NELL1: variants seen among roughly 807,000 people sequenced by gnomAD.
NELL1 encodes the protein neural EGFL like 1.
Under a neutral mutation model 107.4 loss-of-function variants are expected in NELL1, and 76 were observed. That is an observed-to-expected ratio of 0.71 (90% CI 0.59 to 0.86). The LOEUF (loss-of-function observed/expected upper bound fraction) is 0.86. Among genes scored for constraint, NELL1 ranks in the 40% least tolerant of loss-of-function variants. NELL1 has a pLI of 0.00. For missense variants in NELL1, 1,024 were observed against 1,005.5 expected, an observed-to-expected ratio of 1.02 and a Z score of -0.25; for synonymous variants, 353 against 341.2, an observed-to-expected ratio of 1.03 and a Z score of -0.38.
rs1857197376 is a variant in NELL1 at position 21,575,412 on chromosome 11, G to A, written c.*390G>A. The A allele has an allele frequency of 6.0e-6, 1 of 167,460 alleles. No individual in the cohort carries two copies. The highest frequency in any genetic ancestry group is 2.4e-5 in the African/African-American group (1 of 41,700). 10.4% of individuals were successfully genotyped at this position (167,460 alleles called of 1,614,324 possible). A position where few individuals can be genotyped will look rare whatever the true frequency, so the allele number is the denominator to read the frequency against. Reference sequence around the variant, plus strand: ...AGACTCAGCTCCTTTTATTTATTTTGTTGATTTATGGATCAAATTCTAAAA... The same window carrying A: ...AGACTCAGCTCCTTTTATTTATTTTATTGATTTATGGATCAAATTCTAAAA... On this transcript the variant is annotated 3_prime_UTR_variant, in exon 20 of 20. Coordinates refer to ENST00000357134, the MANE Select transcript of NELL1 (RefSeq NM_006157.5).
At chr11:21,390,956 A>G (rs112897756) in intron 15 of NELL1, among the ~76,000 whole-genome samples, 1 of 151,534 alleles carries the variant, frequency 6.6e-6, no homozygotes, top group African/African-American at 2.4e-5. Context: ...TTGTTGTTGA[A>G]TCTCCTGTTC....
At chr11:20,818,717 G>T (rs534449952) in intron 3 of NELL1, among the ~76,000 whole-genome samples, 1 of 152,246 alleles carries the variant, frequency 6.6e-6, no homozygotes, top group South Asian at 2.1e-4. Flanking sequence ...AGCTTGGGGA[G>T]CTTCCCAAAT....
chr11:21,197,184 T>C (rs1009086017), intron 13 of NELL1, among the ~76,000 whole-genome samples: 10 of 150,904 alleles, frequency 6.6e-5, no homozygotes, highest in African/African-American at 2.5e-4. Context: ...ACCGGTCTTA[T>C]TTAATTCTTA....
Position 21,060,949 on chromosome 11 carries a change from C to T in NELL1, c.1301-52640C>T, listed in dbSNP as rs372095554. 1.1e-4 allele frequency among the ~76,000 whole-genome samples: 16 copies of T among 152,306 alleles called. No individual in the cohort carries two copies. The East Asian group carries it at 2.5e-3, about 24-fold the overall frequency. On this transcript the variant is annotated intron_variant, in intron 12 of 19. Transcript: ENST00000357134. The stretch of plus-strand genomic sequence containing the variant: ...ATGGGGTTTCACCCTATTGGTCAGG[C>T]AGGACTTGAACTCCTGACCCCATGA...
intron 15 of NELL1, among the ~76,000 whole-genome samples, chr11:21,438,674 G>T (rs1281612210): frequency 6.6e-6 from 1 of 151,656 alleles, no homozygotes; most frequent in African/African-American, 2.4e-5. Context: ...TTTTTTGTCT[G>T]GGTTATTTTA....
chr11:20,961,671 A>AT (rs1228458422), intron 12 of NELL1, among the ~76,000 whole-genome samples: 1 of 151,918 alleles, frequency 6.6e-6, no homozygotes, highest in African/African-American at 2.4e-5. Context: ...TTATACATGG[A>AT]TTTTTTTTCA....
intron 13 of NELL1, among the ~76,000 whole-genome samples, chr11:21,225,488 C>T (rs966067838): frequency 2.0e-5 from 3 of 152,122 alleles, no homozygotes; most frequent in Admixed American, 6.5e-5. Context: ...TTGCTTTTCT[C>T]TCTGTAATGC....
chr11:21,505,245 G>A (rs1235165843), intron 15 of NELL1, among the ~76,000 whole-genome samples: 2 of 152,088 alleles, frequency 1.3e-5, no homozygotes, highest in Non-Finnish European at 2.9e-5. Context: ...TATCTATGCA[G>A]TAATCCTACC....
intron 14 of NELL1, among the ~76,000 whole-genome samples, chr11:21,287,428 A>G (rs906645127): frequency 6.6e-6 from 1 of 152,144 alleles, no homozygotes; most frequent in African/African-American, 2.4e-5. Context: ...TAAAACCTTT[A>G]TTCAAAGGCT....
intron 7 of NELL1, among the ~76,000 whole-genome samples, chr11:20,924,602 G>C (rs1850450660): frequency 6.6e-6 from 1 of 152,168 alleles, no homozygotes; most frequent in Non-Finnish European, 1.5e-5. Flanking sequence ...ATATAGAGTT[G>C]CCTTTTGGGC....
At chr11:20,938,044 T>C (rs1850764882) in intron 10 of NELL1, among the ~76,000 whole-genome samples, 185 bp downstream of exon 10, 1 of 152,104 alleles carries the variant, frequency 6.6e-6, no homozygotes, top group East Asian at 1.9e-4. Flanking sequence ...GGTTAGCTTG[T>C]GGTCAGCTGT....
intron 5 of NELL1, among the ~76,000 whole-genome samples, chr11:20,902,552 G>C (rs1849900605): frequency 6.6e-6 from 1 of 152,112 alleles, no homozygotes; most frequent in Non-Finnish European, 1.5e-5. Context: ...CCAATAGAGA[G>C]GGAAATTTGG....
chr11:21,020,957 G>GA (rs1273748847), intron 12 of NELL1, among the ~76,000 whole-genome samples: 4 of 148,980 alleles, frequency 2.7e-5, no homozygotes, highest in Non-Finnish European at 5.9e-5. Flanking sequence ...CGATAATCAG[G>GA]AAAAAATCCT....
In NELL1 at chr11:20,836,608, G is replaced by C. The variant is rs1848538658; in HGVS notation, c.336-10975G>C. On this transcript the variant is annotated intron_variant, in intron 3 of 19. Transcript: ENST00000357134. ...ACAACGCATGATTAAGCCATGCAAAGACACAGGTGAAACTTTTTTTTTTAT... is the reference window on the plus strand; with the variant it reads ...ACAACGCATGATTAAGCCATGCAAACACACAGGTGAAACTTTTTTTTTTAT... Among the ~76,000 whole-genome samples the C allele has an allele frequency of 2.6e-5, 3 of 117,464 alleles. No homozygotes were observed. The Admixed American group carries it at 2.7e-4, about 11-fold the overall frequency. 77.1% of individuals were successfully genotyped at this position (117,464 alleles called of 152,430 possible).
At chr11:20,687,045 C>T (rs78725180) in intron 2 of NELL1, among the ~76,000 whole-genome samples, 28,012 of 128,532 alleles carry the variant, frequency 0.22, 3,080 homozygotes, top group African/African-American at 0.27. Flanking sequence ...CTCTCTCTCT[C>T]TTTTTTTTTT....
At chr11:21,139,693 CA>C (rs1855824017) in intron 13 of NELL1, among the ~76,000 whole-genome samples, 1 of 152,130 alleles carries the variant, frequency 6.6e-6, no homozygotes, top group Admixed American at 6.5e-5. Flanking sequence ...TGTAGGTGAT[CA>C]GTAAATATGA....
At chr11:21,569,257 G>A (rs1250310984) in intron 17 of NELL1, among the ~76,000 whole-genome samples, 3 of 151,748 alleles carry the variant, frequency 2.0e-5, no homozygotes, top group East Asian at 1.9e-4. Flanking sequence ...CTTAAAACAA[G>A]GTGAGCATTA....
At chr11:20,983,756 G>T (rs1287674307) in intron 12 of NELL1, among the ~76,000 whole-genome samples, 2 of 151,368 alleles carry the variant, frequency 1.3e-5, no homozygotes, top group African/African-American at 2.4e-5. Context: ...CTCTTTAATT[G>T]GTTTTGGATG....
chr11:21,208,380 T>C (rs774050821), intron 13 of NELL1, among the ~76,000 whole-genome samples: 88 of 151,264 alleles, frequency 5.8e-4, no homozygotes, highest in Non-Finnish European at 9.3e-4. Flanking sequence ...ATGCATTTTA[T>C]AGACTTTTTC....
Sources: allele counts gnomAD v4.1 joint callset (sites outside exome capture counted in the v4.1 genomes callset), GRCh38; gene constraint gnomAD v4.1.1; transcripts MANE v1.5; gene names NCBI Gene and HGNC (gene_info 2026-07-23, HGNC 2026-07-21).